NCAM2: variants seen among roughly 807,000 people sequenced by gnomAD.
NCAM2 encodes N-CAM-2.
A neutral mutation model predicts 98.1 loss-of-function variants in NCAM2; 30 were observed. The ratio of observed to expected loss-of-function variants is 0.31; its 90% CI spans 0.23 to 0.41. The LOEUF (loss-of-function observed/expected upper bound fraction) is 0.41, where lower values mean the gene tolerates loss of function less well. Among genes scored for constraint, NCAM2 ranks in the 10% least tolerant of loss-of-function variants. The pLI, the probability that NCAM2 is intolerant of heterozygous loss-of-function variation, is 1.00. For missense variants in NCAM2, 867 were observed against 1,005.8 expected (o/e 0.86, Z 1.87); for synonymous variants, 368 against 342.4 (o/e 1.07, Z -0.83).
At chr21:21,430,738 G>T (rs1444724809) in intron 11 of NCAM2, among the ~76,000 whole-genome samples, 1 of 151,756 alleles carries the variant, frequency 6.6e-6, no homozygotes, top group Admixed American at 6.6e-5. Flanking sequence ...TGACACATGG[G>T]GATTATGGGA....
rs145581907 is a variant in NCAM2, at chr21:21,450,325, A to G, written c.1655-16281A>G. Among the ~76,000 whole-genome samples, 209 of 150,864 alleles carry G rather than the reference A, an allele frequency of 1.4e-3. 2 individuals carry two copies. Among genetic ancestry groups the G allele is most frequent in the East Asian group, 5.1e-3 (26 of 5,100 alleles). ...GTTTGTGTGTGTGTGTGTGTGCCTC[A>G]TGTGTCTTAATATCTTAGTCTCTTT... On this transcript the variant is annotated intron_variant, in intron 12 of 17. Coordinates refer to ENST00000400546, the MANE Select transcript of NCAM2 (RefSeq NM_004540.5).
At chr21:21,497,442 C>G (rs1320627567) in intron 15 of NCAM2, among the ~76,000 whole-genome samples, 1 of 152,082 alleles carries the variant, frequency 6.6e-6, no homozygotes, top group Non-Finnish European at 1.5e-5. Flanking sequence ...ACCAAATATT[C>G]TCAATTAGCT....
At chr21:21,105,278 T>G (rs1242754738) in intron 1 of NCAM2, among the ~76,000 whole-genome samples, 1 of 152,182 alleles carries the variant, frequency 6.6e-6, no homozygotes, top group Non-Finnish European at 1.5e-5. Flanking sequence ...GGTAGTAATC[T>G]GAAATTATGA....
At chr21:21,030,150 A>G (rs2064648164) in intron 1 of NCAM2, among the ~76,000 whole-genome samples, 1 of 152,186 alleles carries the variant, frequency 6.6e-6, no homozygotes, top group African/African-American at 2.4e-5. Context: ...AACATTTACT[A>G]TGCCAGAATA....
At chr21:21,218,708 T>C (rs1398832295) in intron 1 of NCAM2, among the ~76,000 whole-genome samples, 2 of 152,200 alleles carry the variant, frequency 1.3e-5, no homozygotes, top group Admixed American at 6.5e-5. Flanking sequence ...AAATCTCTCC[T>C]AGAACCTTCA....
chr21:21,420,548 G>T (rs919568479), intron 11 of NCAM2, among the ~76,000 whole-genome samples: 5 of 151,866 alleles, frequency 3.3e-5, no homozygotes, highest in Admixed American at 1.3e-4. Flanking sequence ...TTCAGGTAGA[G>T]ATTTTATTTA....
intron 1 of NCAM2, among the ~76,000 whole-genome samples, chr21:21,126,236 T>TAAAAAAAA (rs778070776): frequency 0.022 from 2,125 of 97,516 alleles, 142 homozygotes; most frequent in Middle Eastern, 0.038. Flanking sequence ...TCATGGAACA[T>TAAAAAAAA]AAAAAAAAAA....
chr21:21,330,798 A>G (rs1280781537), intron 6 of NCAM2, among the ~76,000 whole-genome samples: 1 of 151,974 alleles, frequency 6.6e-6, no homozygotes, highest in Non-Finnish European at 1.5e-5. Context: ...TTAAGGATGG[A>G]AAAAAATGAT....
intron 5 of NCAM2, among the ~76,000 whole-genome samples, chr21:21,323,382 A>G (rs899566272): frequency 2.6e-5 from 4 of 152,184 alleles, no homozygotes; most frequent in Non-Finnish European, 5.9e-5. Context: ...TCTTATCTCT[A>G]CCATCAATGG....
chr21:21,164,728 T>C (rs530551724), intron 1 of NCAM2, among the ~76,000 whole-genome samples: 4 of 152,346 alleles, frequency 2.6e-5, no homozygotes, highest in East Asian at 1.9e-4. Flanking sequence ...ATTTTTTAAT[T>C]GATTTTCTTA....
intron 1 of NCAM2, among the ~76,000 whole-genome samples, chr21:21,177,346 C>A (rs1343764827): frequency 2.7e-5 from 3 of 111,308 alleles, no homozygotes; most frequent in Non-Finnish European, 5.5e-5. Context: ...ATATCTCTGA[C>A]TCAAAATCCA....
chr21:21,092,413 G>A (rs201056485), intron 1 of NCAM2, among the ~76,000 whole-genome samples: 9 of 151,616 alleles, frequency 5.9e-5, no homozygotes, highest in East Asian at 5.8e-4. Flanking sequence ...AAATTCTATG[G>A]CTAGTTTAGA....
At chr21:21,044,259 G>A (rs908272603) in intron 1 of NCAM2, among the ~76,000 whole-genome samples, 1 of 152,190 alleles carries the variant, frequency 6.6e-6, no homozygotes, top group African/African-American at 2.4e-5. Context: ...AAGAGCAACA[G>A]AAGAGCAGGG....
At position 21,300,684 on chromosome 21, in the gene NCAM2, C is replaced by T. The variant is rs1232945631; in HGVS notation, c.619+8443C>T. Among the ~76,000 whole-genome samples, 5 of 151,968 alleles carry T rather than the reference C, an allele frequency of 3.3e-5. No individual in the cohort carries two copies. In the South Asian group the frequency reaches 6.2e-4, roughly 19 times the overall value. ...ACTGTAGAGATTTGCATACAGGAGG[C>T]GGTCTATAACTTCTGGAAAGATTTC... On this transcript the variant is annotated intron_variant, in intron 5 of 17. Transcript: ENST00000400546.
In NCAM2 at chr21:21,000,357, G is replaced by C. The variant is rs1446495662; in HGVS notation, c.55+1739G>C. On this transcript the variant is annotated intron_variant, in intron 1 of 17. Transcript: ENST00000400546. Reference sequence around the variant, plus strand: ...CAGACTTAGGATTACATTGTGAGTGGTTTGGAGAAGAAAAATGTCTCAGTT... The same window carrying C: ...CAGACTTAGGATTACATTGTGAGTGCTTTGGAGAAGAAAAATGTCTCAGTT... Among the ~76,000 whole-genome samples the C allele has an allele frequency of 2.6e-5, 4 of 152,286 alleles. No individual in the cohort carries two copies. The East Asian group carries it at 7.7e-4, about 29-fold the overall frequency.
intron 1 of NCAM2, among the ~76,000 whole-genome samples, chr21:21,217,298 G>A (rs909542540): frequency 6.6e-6 from 1 of 152,130 alleles, no homozygotes; most frequent in Non-Finnish European, 1.5e-5. Context: ...CTAAGTCTGT[G>A]CACAAACCCC....
intron 5 of NCAM2, among the ~76,000 whole-genome samples, 189 bp downstream of exon 5, chr21:21,292,430 T>C (rs2073332095): frequency 6.6e-6 from 1 of 151,908 alleles, no homozygotes; most frequent in South Asian, 2.1e-4. Context: ...GATCCATGAC[T>C]TATGTTACAT....
At chr21:21,442,553 AG>A (rs1183220857) in intron 12 of NCAM2, among the ~76,000 whole-genome samples, 1 of 152,184 alleles carries the variant, frequency 6.6e-6, no homozygotes, top group African/African-American at 2.4e-5. Context: ...CCATGAAGGC[AG>A]TAGAAGATGG....
At chr21:21,370,578 C>T (rs2075892911) in intron 8 of NCAM2, among the ~76,000 whole-genome samples, 2 of 151,606 alleles carry the variant, frequency 1.3e-5, no homozygotes, top group Admixed American at 1.3e-4. Context: ...AGCCCCAGAA[C>T]CCAGCAAAGT....
Sources: allele counts gnomAD v4.1 joint callset (sites outside exome capture counted in the v4.1 genomes callset), GRCh38; gene constraint gnomAD v4.1.1; transcripts MANE v1.5; gene names NCBI Gene and HGNC (gene_info 2026-07-23, HGNC 2026-07-21).